OPCML: variants seen among roughly 807,000 people sequenced by gnomAD.
OPCML encodes the protein opioid binding protein/cell adhesion molecule like.
In OPCML, 13 loss-of-function variants were observed where a neutral mutation model predicts 37.8. The observed-to-expected ratio is 0.34, with a 90% CI of 0.22 to 0.55. The LOEUF (loss-of-function observed/expected upper bound fraction) is 0.55. Ranked by LOEUF, OPCML falls within the 20% of genes least tolerant of loss-of-function variation. OPCML has a pLI of 0.91. For missense variants in OPCML, 341 were observed against 435.6 expected (o/e 0.78, Z 1.93); for synonymous variants, 176 against 168.8 (o/e 1.04, Z -0.33).
intron 1 of OPCML, among the ~76,000 whole-genome samples, chr11:133,341,140 T>C (rs1443212694): frequency 3.9e-5 from 6 of 152,006 alleles, no homozygotes; most frequent in Non-Finnish European, 5.9e-5. Flanking sequence ...CATTCCTGAA[T>C]CCCCCATACC....
At chr11:133,103,222 ATTC>A (rs1949111168) in intron 1 of OPCML, among the ~76,000 whole-genome samples, 1 of 152,194 alleles carries the variant, frequency 6.6e-6, no homozygotes, top group African/African-American at 2.4e-5. Context: ...TTTAGTACTT[ATTC>A]TATTTGATCA....
At chr11:133,129,358 G>A (rs563425331) in intron 1 of OPCML, among the ~76,000 whole-genome samples, 21 of 152,214 alleles carry the variant, frequency 1.4e-4, no homozygotes, top group African/African-American at 5.1e-4. Context: ...TAGCCACCAC[G>A]CAGGAAAGCC....
intron 3 of OPCML, among the ~76,000 whole-genome samples, chr11:132,641,836 C>T (rs1167188076): frequency 6.6e-6 from 1 of 152,166 alleles, no homozygotes; most frequent in Admixed American, 6.5e-5. Context: ...GCTATTTTGC[C>T]TTCTCCAATT....
chr11:132,763,120 C>T (rs994117725), intron 2 of OPCML, among the ~76,000 whole-genome samples: 2 of 152,284 alleles, frequency 1.3e-5, no homozygotes, highest in Non-Finnish European at 2.9e-5. Flanking sequence ...TACCCTGCTT[C>T]TGCTCACCCT....
chr11:132,831,404 C>T (rs549214565), intron 2 of OPCML, among the ~76,000 whole-genome samples: 1 of 152,262 alleles, frequency 6.6e-6, no homozygotes, highest in Admixed American at 6.5e-5. Flanking sequence ...GGTGATGAGG[C>T]ACCCCCACCA....
intron 4 of OPCML, 152 bp downstream of exon 4, chr11:132,528,909 A>T (rs2096315910): frequency 2.0e-6 from 1 of 512,210 alleles, no homozygotes; most frequent in Admixed American, 3.8e-5. Context: ...CCTTCTTTTG[A>T]AATGAAATAG....
At position 132,727,562 on chromosome 11, in the gene OPCML, G is replaced by A. The variant is rs1049046378; in HGVS notation, c.147-70243C>T. On this transcript the variant is annotated intron_variant, in intron 2 of 7. Coordinates refer to ENST00000524381, the MANE Select transcript of OPCML (RefSeq NM_001012393.5). ...ACCCGGAGCCCTAGAGCCCAGCACA[G>A]TCATCCTCAACCTCAACTGCAGGCT... is the stretch of plus-strand genomic sequence containing the variant. Among the ~76,000 whole-genome samples, 3 of 152,270 alleles carry A rather than the reference G, an allele frequency of 2.0e-5. No individual in the cohort carries two copies. In the South Asian group the frequency reaches 6.2e-4, roughly 32 times the overall value.
rs1939050362 is a variant in OPCML, at chr11:133,206,088, T to C, written c.62-263078A>G. On this transcript the variant is annotated intron_variant, in intron 1 of 7. Transcript: ENST00000524381. The surrounding 1 kb of genome is among the most constrained non-coding windows in gnomAD (Gnocchi z 4.7). ...AGTGCCTACAGTTAACATTTAATAA[T>C]AACTGTATTATTCTGTAAATCAGGG... 6.6e-6 allele frequency among the ~76,000 whole-genome samples: 1 copy of C among 152,226 alleles called. No individual in the cohort carries two copies. The highest frequency in any genetic ancestry group is 2.4e-5 in the African/African-American group (1 of 41,464).
At chr11:132,990,345 C>G (rs1946753741) in intron 1 of OPCML, among the ~76,000 whole-genome samples, 1 of 152,210 alleles carries the variant, frequency 6.6e-6, no homozygotes, top group South Asian at 2.1e-4. Flanking sequence ...CCTATAGCGT[C>G]AATCTCAGCC....
At chr11:133,326,894 G>A (rs1943480119) in intron 1 of OPCML, among the ~76,000 whole-genome samples, 1 of 146,484 alleles carries the variant, frequency 6.8e-6, no homozygotes, top group African/African-American at 2.5e-5. Context: ...AAGTGAGGGA[G>A]GTGTGGGTGA....
intron 1 of OPCML, among the ~76,000 whole-genome samples, chr11:133,253,556 C>T (rs1057086009): frequency 2.2e-4 from 34 of 152,298 alleles, no homozygotes; most frequent in African/African-American, 7.7e-4. Context: ...GTGATCCACC[C>T]ACCTCGGCCT....
chr11:133,126,929 G>T (rs1949526867), intron 1 of OPCML, among the ~76,000 whole-genome samples: 1 of 152,122 alleles, frequency 6.6e-6, no homozygotes. Flanking sequence ...GGAGAGATAT[G>T]GTTCTTTTTA....
chr11:133,232,646 C>A (rs896706603), intron 1 of OPCML, among the ~76,000 whole-genome samples: 1 of 152,126 alleles, frequency 6.6e-6, no homozygotes, highest in Non-Finnish European at 1.5e-5. Context: ...CACATGCACA[C>A]CCACACAGGC....
intron 2 of OPCML, among the ~76,000 whole-genome samples, chr11:132,765,444 G>C (rs1293637080): frequency 6.6e-6 from 1 of 152,210 alleles, no homozygotes; most frequent in Non-Finnish European, 1.5e-5. Flanking sequence ...CGAGGCATGA[G>C]AATCTATGGT....
intron 1 of OPCML, among the ~76,000 whole-genome samples, chr11:132,961,715 T>G (rs980153142): frequency 6.6e-6 from 1 of 152,232 alleles, no homozygotes; most frequent in Admixed American, 6.5e-5. Context: ...ACTGATGATT[T>G]GCAAAGCCTC....
At chr11:133,492,975 G>T (rs114134788) in intron 1 of OPCML, among the ~76,000 whole-genome samples, 3,923 of 152,218 alleles carry the variant, frequency 0.026, 181 homozygotes, top group African/African-American at 0.089. Flanking sequence ...CCACCACGAG[G>T]CAAGGAGAAG....
chr11:133,492,827 A>G (rs1947695125), intron 1 of OPCML, among the ~76,000 whole-genome samples: 1 of 152,184 alleles, frequency 6.6e-6, no homozygotes, highest in Non-Finnish European at 1.5e-5. Flanking sequence ...CCTAACTGCG[A>G]GGTCTATTAC....
intron 4 of OPCML, among the ~76,000 whole-genome samples, chr11:132,500,645 G>C (rs189383003): frequency 6.6e-6 from 1 of 152,228 alleles, no homozygotes; most frequent in Admixed American, 6.5e-5. Context: ...GTGCCATGGT[G>C]GTTTGCTGCA....
At chr11:133,220,503 G>C (rs1939770367) in intron 1 of OPCML, among the ~76,000 whole-genome samples, 1 of 152,134 alleles carries the variant, frequency 6.6e-6, no homozygotes, top group Non-Finnish European at 1.5e-5. Flanking sequence ...GAGTCCTGGG[G>C]AGTCAGAGGT....
Sources: allele counts gnomAD v4.1 joint callset (sites outside exome capture counted in the v4.1 genomes callset), GRCh38; gene constraint gnomAD v4.1.1; non-coding constraint Gnocchi (gnomAD v3.1); transcripts MANE v1.5; gene names NCBI Gene and HGNC (gene_info 2026-07-23, HGNC 2026-07-21).